KRTCAP2: variants seen among roughly 807,000 people sequenced by gnomAD.
KRTCAP2 encodes the protein keratinocyte associated protein 2.
KRTCAP2 carries 10 observed loss-of-function variants against 16.5 expected under a neutral mutation model. The ratio of observed to expected loss-of-function variants is 0.60; its 90% confidence interval spans 0.37 to 1.02. The LOEUF (loss-of-function observed/expected upper bound fraction) is 1.02. KRTCAP2 is among the 50% of genes least tolerant of loss of function. KRTCAP2 has a pLI of 0.01. For missense variants in KRTCAP2, 152 were observed against 159.6 expected (o/e 0.95, Z 0.26); for synonymous variants, 68 against 69.8 (o/e 0.97, Z 0.13).
In KRTCAP2 at chr1:155,169,575, C is replaced by A; in HGVS notation, c.291-15G>T. 6.2e-7 allele frequency: 1 copy of A among 1,612,882 alleles called. No homozygotes were observed. The highest frequency in any genetic ancestry group is 8.5e-7 in the Non-Finnish European group (1 of 1,179,232). ...AGAAGATGAAGCTATATGGTGAAGA[C>A]AGAAAGGTCATGGCACCAGTGGGCA... On this transcript the variant is annotated splice_polypyrimidine_tract_variant and intron_variant, in intron 4 of 4. Coordinates refer to ENST00000295682, the MANE Select transcript of KRTCAP2 (RefSeq NM_173852.4).
chr1:155,172,361 T>C, intron 3 of KRTCAP2: 2 of 1,420,054 alleles, frequency 1.4e-6, no homozygotes, highest in Non-Finnish European at 1.8e-6. Context: ...CAAAGTTTCT[T>C]GCTTTCAAAG....
At chr1:155,173,078 C>G (rs1571720989) in intron 1 of KRTCAP2, 143 bp downstream of exon 1, 1 of 954,718 alleles carries the variant, frequency 1.0e-6, no homozygotes, top group African/African-American at 1.6e-5. Flanking sequence ...CCCGGACACC[C>G]CGAACCCTCC....
At chr1:155,172,388 C>G in intron 3 of KRTCAP2, 177 bp downstream of exon 3, 1 of 1,447,762 alleles carries the variant, frequency 6.9e-7, no homozygotes, top group Non-Finnish European at 9.1e-7. Context: ...TCTTCCAGCT[C>G]CAACTCCAGG....
Position 155,172,782 on chromosome 1 carries a change from G to C in KRTCAP2, c.115C>G (p.Gln39Glu). The C allele has an allele frequency of 6.2e-7, 1 of 1,614,242 alleles. No individual in the cohort carries two copies. The highest frequency in any genetic ancestry group is 8.5e-7 in the Non-Finnish European group (1 of 1,180,038). ...AGACCCGAACCAAGCAGGCCGCCCT[G>C]GATGGTGAGCCACTCGGTGGAGGCC... ...QLASTEWLTI[Q>E]GGLLGSGLFV... The change falls in exon 2 of 5, where the codon CAG becomes GAG. Residue 39 changes from glutamine (Q) to glutamate (E), a missense_variant. Gln to Glu is a conservative substitution (Grantham distance 29, BLOSUM62 2). Transcript: ENST00000295682.
At chr1:155,172,940 C>G in intron 1 of KRTCAP2, 48 bp from the exon 2 acceptor site, 1 of 1,599,308 alleles carries the variant, frequency 6.3e-7, no homozygotes, top group Non-Finnish European at 8.5e-7. Flanking sequence ...CGCCCTCCCT[C>G]CGGCAAGCTA....
chr1:155,173,296 T>C lies in KRTCAP2; in HGVS notation c.-72A>G, dbSNP rs772669394. 31 of 1,613,596 alleles carry C rather than the reference T, an allele frequency of 1.9e-5. No homozygotes were observed. The highest frequency in any genetic ancestry group is 1.7e-4 in the Admixed American group (10 of 59,982). Reference sequence around the variant, plus strand: ...GAGCTGAACCGGGTGCGGTTAGCTATGCGCATGCGTCAGCGCTTACCGCGG... The same window carrying C: ...GAGCTGAACCGGGTGCGGTTAGCTACGCGCATGCGTCAGCGCTTACCGCGG... On this transcript the variant is annotated 5_prime_UTR_variant, in exon 1 of 5. Transcript: ENST00000295682.
At chr1:155,172,936 C>G (rs1299123800) in intron 1 of KRTCAP2, 44 bp from the exon 2 acceptor site, 2 of 1,601,946 alleles carry the variant, frequency 1.2e-6, no homozygotes, top group South Asian at 2.2e-5. Context: ...GCTCCGCCCT[C>G]CCTCCGGCAA....
rs752961508 is a variant in KRTCAP2, at chr1:155,172,559, A to C, written c.223+6T>G. On this transcript the variant is annotated splice_donor_region_variant and intron_variant, in intron 3 of 4. Transcript: ENST00000295682. The stretch of plus-strand genomic sequence containing the variant: ...TTCAAATACTCAAGCTCCAATATTC[A>C]CTTACTCTCAGGGAAGATCTTTGCT... 17 of 1,614,056 alleles carry C rather than the reference A, an allele frequency of 1.1e-5. No homozygotes were observed. The Admixed American group carries it at 2.5e-4, about 24-fold the overall frequency.
At chr1:155,172,225 A>C (rs1322071611) in intron 3 of KRTCAP2, 1 of 1,182,582 alleles carries the variant, frequency 8.5e-7, no homozygotes, top group East Asian at 5.3e-5. Context: ...AGAACTCCAT[A>C]GTGAACTTGG....
Position 155,173,217 on chromosome 1 carries a change from T to G in KRTCAP2, c.4+4A>C. On this transcript the variant is annotated splice_donor_region_variant and intron_variant, in intron 1 of 4. Coordinates refer to ENST00000295682, the MANE Select transcript of KRTCAP2 (RefSeq NM_173852.4). ...CTTCCTGGGGACCCCACCGGTCCTG[T>G]TACCCATCATGCCCCGCCCGTGAGT... 1 of 1,613,298 alleles carries G rather than the reference T, an allele frequency of 6.2e-7. No homozygotes were observed. Among genetic ancestry groups the G allele is most frequent in the Non-Finnish European group, 8.5e-7 (1 of 1,179,776 alleles).
chr1:155,173,144 G>C (rs904631294), intron 1 of KRTCAP2, 77 bp downstream of exon 1: 1 of 1,287,542 alleles, frequency 7.8e-7, no homozygotes. Context: ...GCTCTGTCGG[G>C]AGAGGACGAG....
Position 155,172,889 on chromosome 1 carries a change from A to G in KRTCAP2, c.8T>C (p.Val3Ala). 1 of 1,613,820 alleles carries G rather than the reference A, an allele frequency of 6.2e-7. No individual in the cohort carries two copies. The highest frequency in any genetic ancestry group is 2.2e-5 in the East Asian group (1 of 44,880). Residue 3 changes from valine (V) to alanine (A), a missense_variant, in exon 2 of 5, where the codon GTG (valine) becomes GCG (alanine). Physicochemically the swap from Val to Ala is moderately conservative, Grantham distance 64. Coordinates refer to ENST00000295682, the MANE Select transcript of KRTCAP2 (RefSeq NM_173852.4). The stretch of plus-strand genomic sequence containing the variant: ...GAGCGCCAGCGAGGTGCCCGTACCC[A>G]CCACTGGAGGGGATGGGAGAAGGGA... MV[V>A]GTGTSLALSS...
At position 155,173,205 on chromosome 1, in the gene KRTCAP2, C is replaced by T; in HGVS notation, c.4+16G>A. On this transcript the variant is annotated intron_variant, in intron 1 of 4. Coordinates refer to ENST00000295682, the MANE Select transcript of KRTCAP2 (RefSeq NM_173852.4). ...CCCCCTCTAGGACTTCCTGGGGACC[C>T]CACCGGTCCTGTTACCCATCATGCC... is the stretch of plus-strand genomic sequence containing the variant. 1.2e-6 allele frequency: 2 copies of T among 1,611,232 alleles called. No homozygotes were observed. Among genetic ancestry groups the T allele is most frequent in the Non-Finnish European group, 1.7e-6 (2 of 1,178,416 alleles).
Position 155,172,807 on chromosome 1 carries a change from C to T in KRTCAP2, c.90G>A (p.Leu30=). Residue 30 remains leucine, a synonymous_variant, in exon 2 of 5, where the codon CTG becomes CTA. Transcript: ENST00000295682. ...FAGMQMYSRQ[L]ASTEWLTIQG... ...GGATGGTGAGCCACTCGGTGGAGGC[C>T]AGCTGACGGCTGTACATCTGCATCC... 1 of 1,614,224 alleles carries T rather than the reference C, an allele frequency of 6.2e-7. No homozygotes were observed. The highest frequency in any genetic ancestry group is 8.5e-7 in the Non-Finnish European group (1 of 1,180,044).
chr1:155,171,987 G>A, intron 3 of KRTCAP2: 1 of 987,924 alleles, frequency 1.0e-6, no homozygotes. Flanking sequence ...ATCTGGCCTT[G>A]ACACTTAATT....
rs756161276 is a variant in KRTCAP2 at position 155,173,283 on chromosome 1, G to C, written c.-59C>G. 3 of 1,614,020 alleles carry C rather than the reference G, an allele frequency of 1.9e-6. No homozygotes were observed. The highest frequency in any genetic ancestry group is 2.5e-6 in the Non-Finnish European group (3 of 1,179,948). On this transcript the variant is annotated 5_prime_UTR_variant, in exon 1 of 5. Transcript: ENST00000295682. ...GGCCAAGAAAGGCGAGCTGAACCGG[G>C]TGCGGTTAGCTATGCGCATGCGTCA... is the stretch of plus-strand genomic sequence containing the variant.
chr1:155,173,028 A>G (rs1665321935), intron 1 of KRTCAP2, 136 bp from the exon 2 acceptor site: 2 of 1,021,096 alleles, frequency 2.0e-6, no homozygotes, highest in African/African-American at 1.6e-5. Flanking sequence ...ACACGCCCCA[A>G]CTCCCCACAC....
At chr1:155,169,689 G>C in intron 4 of KRTCAP2, 102 bp downstream of exon 4, 2 of 1,362,968 alleles carry the variant, frequency 1.5e-6, no homozygotes, top group African/African-American at 1.4e-5. Flanking sequence ...GGAGAACAGA[G>C]AGAGAGGTAG....
Position 155,169,463 on chromosome 1 carries a change from C to T in KRTCAP2, c.388G>A (p.Gly130Ser), listed in dbSNP as rs1227694216. The stretch of plus-strand genomic sequence containing the variant: ...GGTCAGTTTCTCTTCTTGCTCTTGC[C>T]TGTGACCTTGGCTGGTGTGAGGACT... ...APVLTPAKVT[G>S]KSKKRN The change falls in exon 5 of 5, where the codon GGC becomes AGC. Residue 130 changes from glycine (G) to serine (S), a missense_variant. Gly to Ser is a moderately conservative substitution (Grantham distance 56). Coordinates refer to ENST00000295682, the MANE Select transcript of KRTCAP2 (RefSeq NM_173852.4). 6.2e-7 allele frequency: 1 copy of T among 1,614,100 alleles called. No individual in the cohort carries two copies. Among genetic ancestry groups the T allele is most frequent in the East Asian group, 2.2e-5 (1 of 44,886 alleles).
Sources: gnomAD v4.1 joint callset for allele counts on GRCh38, gnomAD v4.1.1 for gene constraint, MANE v1.5 for transcripts, NCBI Gene and HGNC (gene_info 2026-07-23, HGNC 2026-07-21) for gene names.